Variants in JPH3 observed in about 807,000 individuals in gnomAD.
JPH3 encodes junctophilin 3.
Under a neutral mutation model 59.6 loss-of-function variants are expected in JPH3, and 11 were observed. The observed-to-expected ratio is 0.18, with a 90% CI of 0.12 to 0.31. The LOEUF (loss-of-function observed/expected upper bound fraction) is 0.31, where lower values mean the gene tolerates loss of function less well. JPH3 is among the 10% of genes least tolerant of loss of function. The probability of loss-of-function intolerance (pLI) is 1.00; values close to 1 mark genes in which losing one functional copy is unlikely to be tolerated. For synonymous variants in JPH3, 673 were observed against 483.6 expected, an observed-to-expected ratio of 1.39 and a Z score of -5.14; for missense variants, 1,202 against 1,105.7, an observed-to-expected ratio of 1.09 and a Z score of -1.24.
At position 87,666,138 on chromosome 16, in the gene JPH3, G is replaced by C. The variant is rs540663279; in HGVS notation, c.1161-18004G>C. Among the ~76,000 whole-genome samples, 454 of 151,584 alleles carry C rather than the reference G, an allele frequency of 3.0e-3. 2 individuals carry two copies. Among genetic ancestry groups the C allele is most frequent in the African/African-American group, 0.011 (442 of 41,270 alleles). On this transcript the variant is annotated intron_variant, in intron 2 of 4. Coordinates refer to ENST00000284262, the MANE Select transcript of JPH3 (RefSeq NM_020655.4). The stretch of plus-strand genomic sequence containing the variant: ...AGAGTTTCGCTCATTGCCCAGGCTG[G>C]AGTGCAGCGGCATGGTCTTGGTTCA...
chr16:87,635,958 G>A (rs573117142), intron 1 of JPH3, among the ~76,000 whole-genome samples: 2 of 152,352 alleles, frequency 1.3e-5, no homozygotes, highest in East Asian at 1.9e-4. Flanking sequence ...GTGTCTTCCG[G>A]GGCCCCAGGG....
intron 3 of JPH3, 41 bp from the exon 4 acceptor site, chr16:87,689,605 C>T: frequency 6.3e-7 from 1 of 1,596,598 alleles, no homozygotes; most frequent in East Asian, 2.3e-5. Context: ...GTGGAATGTG[C>T]TGGGTAACGC....
At chr16:87,677,221 C>G (rs986832703) in intron 2 of JPH3, among the ~76,000 whole-genome samples, 3 of 119,874 alleles carry the variant, frequency 2.5e-5, no homozygotes, top group Non-Finnish European at 5.1e-5. Flanking sequence ...CACACACACA[C>G]ACACAAAAAA....
At chr16:87,625,702 T>A (rs187900979) in intron 1 of JPH3, among the ~76,000 whole-genome samples, 2 of 152,126 alleles carry the variant, frequency 1.3e-5, no homozygotes, top group Non-Finnish European at 1.5e-5. Context: ...CAAACCCCTG[T>A]CAACACCAGT....
At chr16:87,612,696 G>A (rs1375368276) in intron 1 of JPH3, among the ~76,000 whole-genome samples, 1 of 152,088 alleles carries the variant, frequency 6.6e-6, no homozygotes, top group African/African-American at 2.4e-5. Context: ...GGGTCAAGTG[G>A]TTCATGAAAT....
chr16:87,648,322 A>G (rs2150848588), intron 2 of JPH3, among the ~76,000 whole-genome samples: 1 of 152,222 alleles, frequency 6.6e-6, no homozygotes, highest in South Asian at 2.1e-4. Context: ...TCAGGCGCCC[A>G]CAGCCCCAGG....
At chr16:87,691,366 C>T (rs1567617013) in intron 4 of JPH3, among the ~76,000 whole-genome samples, 1 of 152,228 alleles carries the variant, frequency 6.6e-6, no homozygotes, top group African/African-American at 2.4e-5. Context: ...CAGGCCCTCA[C>T]CCCAGCAGGG....
intron 2 of JPH3, among the ~76,000 whole-genome samples, chr16:87,667,537 T>G (rs535511941): frequency 1.3e-5 from 2 of 152,260 alleles, no homozygotes; most frequent in Admixed American, 1.3e-4. Context: ...ATCTGGTCTT[T>G]GGGGGCCAGG....
chr16:87,642,394 G>C (rs903524884), intron 1 of JPH3, among the ~76,000 whole-genome samples: 1 of 152,244 alleles, frequency 6.6e-6, no homozygotes, highest in Non-Finnish European at 1.5e-5. Flanking sequence ...TGAAAAGAGA[G>C]GTCGGGGTGG....
intron 1 of JPH3, among the ~76,000 whole-genome samples, chr16:87,641,108 G>C (rs904476614): frequency 6.6e-6 from 1 of 152,192 alleles, no homozygotes; most frequent in Non-Finnish European, 1.5e-5. Flanking sequence ...CCTCCTCCCC[G>C]TGCCCATCAC....
intron 2 of JPH3, among the ~76,000 whole-genome samples, chr16:87,683,531 C>G (rs1306174601): frequency 6.6e-6 from 1 of 152,096 alleles, no homozygotes; most frequent in East Asian, 1.9e-4. Context: ...GTCTTGAACT[C>G]CTGACCTCAT....
intron 1 of JPH3, among the ~76,000 whole-genome samples, chr16:87,632,829 G>T (rs1231469717): frequency 1.3e-5 from 2 of 151,854 alleles, no homozygotes; most frequent in Non-Finnish European, 2.9e-5. Flanking sequence ...GGAGGTGGAA[G>T]TTGCAGTGAG....
At position 87,644,403 on chromosome 16, in the gene JPH3, G is replaced by T. The variant is rs377433473; in HGVS notation, c.528G>T (p.Ala176=). 1.2e-6 allele frequency: 2 copies of T among 1,612,544 alleles called. No individual in the cohort carries two copies. The highest frequency in any genetic ancestry group is 2.2e-5 in the South Asian group (2 of 91,050). Residue 176 remains alanine, a synonymous_variant, in exon 2 of 5, where the codon GCG becomes GCT. Transcript: ENST00000284262. ...SLRSEHTNGT[A]LHPDASPAVA... ...GCAGCGAGCACACCAACGGCACGGC[G>T]CTGCATCCCGACGCCTCTCCGGCGG...
chr16:87,675,203 C>G (rs1268448550), intron 2 of JPH3, among the ~76,000 whole-genome samples: 1 of 133,540 alleles, frequency 7.5e-6, no homozygotes, highest in Non-Finnish European at 1.6e-5. Context: ...CCGCCGTTTC[C>G]CCGACTCGCT....
chr16:87,644,580 C>T lies in JPH3; in HGVS notation c.705C>T (p.Ala235=). The T allele has an allele frequency of 6.2e-7, 1 of 1,612,984 alleles. No individual in the cohort carries two copies. The highest frequency in any genetic ancestry group is 1.1e-5 in the South Asian group (1 of 91,078). Reference sequence around the variant, plus strand: ...AGTCGGAGTCCAAGAGCAGCCTGGCCAGCCAACGCAGCAAGCAGAGCTCCT... The same window carrying T: ...AGTCGGAGTCCAAGAGCAGCCTGGCTAGCCAACGCAGCAAGCAGAGCTCCT... ...LRKSESKSSL[A]SQRSKQSSFR... is the part of the protein sequence containing the mutation. The change falls in exon 2 of 5, where the codon GCC becomes GCT. Residue 235 remains alanine (A), a synonymous_variant. Coordinates refer to ENST00000284262, the MANE Select transcript of JPH3 (RefSeq NM_020655.4).
intron 1 of JPH3, among the ~76,000 whole-genome samples, chr16:87,630,781 CTT>C (rs932066295): frequency 7.2e-5 from 11 of 152,134 alleles, no homozygotes; most frequent in Non-Finnish European, 1.2e-4. Flanking sequence ...CTCATGGTCA[CTT>C]TTAGCCATTA....
chr16:87,648,549 G>A (rs1295701137), intron 2 of JPH3, among the ~76,000 whole-genome samples: 6 of 152,194 alleles, frequency 3.9e-5, no homozygotes, highest in Non-Finnish European at 7.3e-5. Context: ...GCCCTTCCCC[G>A]GAGAGCAGCT....
intron 2 of JPH3, among the ~76,000 whole-genome samples, chr16:87,679,362 G>A (rs2033229217): frequency 6.6e-6 from 1 of 152,186 alleles, no homozygotes; most frequent in Admixed American, 6.5e-5. Context: ...TGCTCTGATC[G>A]CAGACCTCCT....
intron 4 of JPH3, chr16:87,696,084 C>T (rs367864947): frequency 1.6e-4 from 71 of 456,978 alleles, no homozygotes; most frequent in African/African-American, 1.2e-3. Flanking sequence ...GTTGAGGACA[C>T]TGTGCTCACG....
Sources: allele counts gnomAD v4.1 joint callset (sites outside exome capture counted in the v4.1 genomes callset), GRCh38; gene constraint gnomAD v4.1.1; transcripts MANE v1.5; gene names NCBI Gene and HGNC (gene_info 2026-07-23, HGNC 2026-07-21).